SNTA1: variants seen among roughly 807,000 people sequenced by gnomAD.
The protein encoded by SNTA1 is syntrophin alpha 1.
Under a neutral mutation model 47.1 loss-of-function variants are expected in SNTA1, and 31 were observed. That is an observed-to-expected ratio of 0.66 (90% CI 0.49 to 0.89). The LOEUF (loss-of-function observed/expected upper bound fraction) is 0.89. SNTA1 is among the 40% of genes least tolerant of loss of function. SNTA1 has a pLI of 0.00. For missense variants in SNTA1, 575 were observed against 693.0 expected (o/e 0.83, Z 1.91); for synonymous variants, 300 against 313.6 (o/e 0.96, Z 0.46).
chr20:33,422,958 G>A (rs979567508), intron 2 of SNTA1, among the ~76,000 whole-genome samples: 11 of 152,030 alleles, frequency 7.2e-5, no homozygotes, highest in African/African-American at 2.7e-4. Context: ...AGTCCCCTAC[G>A]CCTCACTCCC....
At position 33,418,792 on chromosome 20, in the gene SNTA1, C is replaced by CAAA. The variant is rs760390793; in HGVS notation, c.497-872_497-870dup. 3.6e-3 allele frequency among the ~76,000 whole-genome samples: 207 copies of CAAA among 57,436 alleles called. 16 individuals carry two copies. Among genetic ancestry groups the CAAA allele is most frequent in the African/African-American group, 0.012 (128 of 10,368 alleles). The allele number at this position is 57,436 out of a possible 152,430, so 37.7% of individuals were successfully genotyped here. A position where few individuals can be genotyped will look rare whatever the true frequency, so the allele number is the denominator to read the frequency against. On this transcript the variant is annotated intron_variant, in intron 2 of 7. Coordinates refer to ENST00000217381, the MANE Select transcript of SNTA1 (RefSeq NM_003098.3). ...TGGGTGACATAACAAGACTCTGTCT[C>CAAA]AAAAAAAAAAAAAAAAAAAAAAAAA...
chr20:33,411,797 C>T (rs1259802566), intron 5 of SNTA1, among the ~76,000 whole-genome samples: 1 of 152,234 alleles, frequency 6.6e-6, no homozygotes, highest in Non-Finnish European at 1.5e-5. Flanking sequence ...GCCCTTCATG[C>T]CTCTGTACTT....
At chr20:33,417,656 T>C in intron 3 of SNTA1, 63 bp downstream of exon 3, 2 of 1,184,416 alleles carry the variant, frequency 1.7e-6, no homozygotes, top group Non-Finnish European at 2.5e-6. Flanking sequence ...TGTCTTTCCA[T>C]TGGTCCCACC....
intron 3 of SNTA1, among the ~76,000 whole-genome samples, chr20:33,415,162 AACAC>A (rs761736897): frequency 2.0e-5 from 3 of 152,324 alleles, no homozygotes; most frequent in Admixed American, 6.5e-5. Flanking sequence ...CATATAAACA[AACAC>A]ACATGTACAA....
intron 2 of SNTA1, among the ~76,000 whole-genome samples, chr20:33,428,890 A>T (rs543023545): frequency 1.3e-5 from 2 of 152,022 alleles, no homozygotes; most frequent in South Asian, 4.2e-4. Context: ...AAAATACAAA[A>T]ATTAGCCAGG....
intron 2 of SNTA1, among the ~76,000 whole-genome samples, chr20:33,425,090 T>C (rs563360225): frequency 6.6e-6 from 1 of 150,906 alleles, no homozygotes; most frequent in African/African-American, 2.4e-5. Context: ...CACTCCACCC[T>C]AGGTGACAGA....
intron 2 of SNTA1, among the ~76,000 whole-genome samples, chr20:33,423,146 C>T (rs886186408): frequency 1.3e-5 from 2 of 152,198 alleles, no homozygotes; most frequent in Admixed American, 6.5e-5. Context: ...ATCCCCTGCT[C>T]GCCCAGCCAT....
At chr20:33,441,704 A>G (rs1029985980) in intron 1 of SNTA1, among the ~76,000 whole-genome samples, 1 of 152,154 alleles carries the variant, frequency 6.6e-6, no homozygotes, top group Non-Finnish European at 1.5e-5. Flanking sequence ...GTCTCCTAAA[A>G]GTACCCTCCC....
At chr20:33,418,424 AT>A (rs1369583591) in intron 2 of SNTA1, among the ~76,000 whole-genome samples, 1 of 151,936 alleles carries the variant, frequency 6.6e-6, no homozygotes, top group East Asian at 1.9e-4. Flanking sequence ...CCAGCTATTA[AT>A]TTTTTGTAGA....
intron 2 of SNTA1, among the ~76,000 whole-genome samples, chr20:33,435,131 C>T (rs1481142840): frequency 1.3e-5 from 2 of 151,128 alleles, no homozygotes; most frequent in Non-Finnish European, 2.9e-5. Context: ...GCTGGGATTA[C>T]AGGCACGCGC....
intron 2 of SNTA1, among the ~76,000 whole-genome samples, chr20:33,424,460 G>C (rs1990114265): frequency 1.3e-5 from 2 of 151,586 alleles, no homozygotes; most frequent in Admixed American, 1.3e-4. Flanking sequence ...GATTGCTTGA[G>C]CCCAGGAGTT....
At chr20:33,421,432 G>A (rs1048309541) in intron 2 of SNTA1, among the ~76,000 whole-genome samples, 31 of 150,924 alleles carry the variant, frequency 2.1e-4, no homozygotes, top group African/African-American at 5.6e-4. Context: ...CCAACATGGC[G>A]AAACCCTGTC....
rs1255444833 is a variant in SNTA1 at position 33,441,408 on chromosome 20, G to C, written c.310+1903C>G. On this transcript the variant is annotated intron_variant, in intron 1 of 7. Transcript: ENST00000217381. ...AGATGAAGAATTAGTGGCCCAGAGTGGGAGGTCATTGTTCCAAGGTCACAC... is the reference window on the plus strand; with the variant it reads ...AGATGAAGAATTAGTGGCCCAGAGTCGGAGGTCATTGTTCCAAGGTCACAC... Among the ~76,000 whole-genome samples the C allele has an allele frequency of 2.6e-5, 4 of 152,152 alleles. No homozygotes were observed. The East Asian group carries it at 7.7e-4, about 29-fold the overall frequency.
intron 6 of SNTA1, among the ~76,000 whole-genome samples, chr20:33,409,129 G>T (rs1431135116): frequency 2.0e-5 from 3 of 152,096 alleles, no homozygotes; most frequent in Admixed American, 1.3e-4. Context: ...AGCTTAAAAT[G>T]TGCCATGGAC....
At chr20:33,413,643 C>T (rs1273076064) in intron 3 of SNTA1, among the ~76,000 whole-genome samples, 1 of 146,850 alleles carries the variant, frequency 6.8e-6, no homozygotes, top group Admixed American at 6.8e-5. Context: ...AAAAAAAAAA[C>T]TAAGCTGGAC....
At chr20:33,421,825 T>C (rs1990029422) in intron 2 of SNTA1, among the ~76,000 whole-genome samples, 1 of 150,562 alleles carries the variant, frequency 6.6e-6, no homozygotes, top group South Asian at 2.1e-4. Context: ...GGCATGGTAG[T>C]GTGCGCCTGT....
intron 2 of SNTA1, among the ~76,000 whole-genome samples, chr20:33,433,431 A>G (rs1344282454): frequency 6.7e-6 from 1 of 150,202 alleles, no homozygotes; most frequent in Admixed American, 6.7e-5. Context: ...TGCTCAGCTA[A>G]TTTTTGTATA....
intron 2 of SNTA1, among the ~76,000 whole-genome samples, chr20:33,418,563 C>T (rs1475886085): frequency 6.6e-6 from 1 of 150,978 alleles, no homozygotes; most frequent in Non-Finnish European, 1.5e-5. Flanking sequence ...GAGGCCAAGG[C>T]GGGCAGATCA....
chr20:33,440,349 G>A (rs1331761040), intron 1 of SNTA1, among the ~76,000 whole-genome samples: 2 of 152,130 alleles, frequency 1.3e-5, no homozygotes, highest in East Asian at 1.9e-4. Flanking sequence ...CCAGTTACTC[G>A]GGAGGCTGAG....
Sources: gnomAD v4.1 joint callset for allele counts (sites outside exome capture counted in the v4.1 genomes callset) on GRCh38, gnomAD v4.1.1 for gene constraint, MANE v1.5 for transcripts, NCBI Gene and HGNC (gene_info 2026-07-23, HGNC 2026-07-21) for gene names.